TRPM4: variants seen among roughly 807,000 people sequenced by gnomAD.
TRPM4 encodes the protein transient receptor potential cation channel subfamily M member 4, also known as calcium-activated non-selective cation channel 1.
Under a neutral mutation model 135.6 loss-of-function variants are expected in TRPM4, and 124 were observed. The observed-to-expected ratio is 0.91, with a 90% CI of 0.79 to 1.06. The LOEUF (loss-of-function observed/expected upper bound fraction) is 1.06. Ranked by LOEUF, TRPM4 falls within the 50% of genes least tolerant of loss-of-function variation. The pLI is 0.00. For missense variants in TRPM4, 1,658 were observed against 1,671.4 expected (o/e 0.99, Z 0.14); for synonymous variants, 745 against 705.6 (o/e 1.06, Z -0.88).
At chr19:49,177,414 A>G (rs932809331) in intron 9 of TRPM4, among the ~76,000 whole-genome samples, 14 of 146,102 alleles carry the variant, frequency 9.6e-5, no homozygotes, top group African/African-American at 3.6e-4. Context: ...AGCTCACTGC[A>G]ACCCCCGGGT....
Position 49,202,017 on chromosome 19 carries a change from C to T in TRPM4, c.3007C>T (p.Pro1003Ser), listed in dbSNP as rs765184826. ...GTCGGAGCCCGGCTTCTGGGCACAC[C>T]CTCCTGGGGCCCAGGCGGGCACCTG... ...CSSEPGFWAH[P>S]PGAQAGTCVS... Residue 1003 changes from proline to serine, a missense_variant, in exon 20 of 25, where the codon CCT becomes TCT. Transcript: ENST00000252826. 1.2e-6 allele frequency: 2 copies of T among 1,613,694 alleles called. No homozygotes were observed. Among genetic ancestry groups the T allele is most frequent in the Non-Finnish European group, 1.7e-6 (2 of 1,180,032 alleles).
At chr19:49,170,636 C>T (rs191478659) in intron 6 of TRPM4, among the ~76,000 whole-genome samples, 1 of 152,288 alleles carries the variant, frequency 6.6e-6, no homozygotes, top group East Asian at 1.9e-4. Flanking sequence ...CCCTCTGGCT[C>T]CTGGATGGTT....
At chr19:49,196,370 C>G in intron 16 of TRPM4, 70 bp from the exon 17 acceptor site, 1 of 1,392,196 alleles carries the variant, frequency 7.2e-7, no homozygotes, top group African/African-American at 1.5e-5. Context: ...CCAAAAGTCT[C>G]GATGATGGTG....
intron 10 of TRPM4, among the ~76,000 whole-genome samples, chr19:49,182,249 C>CATCT (rs1436693519): frequency 2.7e-5 from 3 of 112,378 alleles, no homozygotes; most frequent in Non-Finnish European, 1.9e-5. Flanking sequence ...TCCATCCATC[C>CATCT]ATCTGTCCAT....
Position 49,167,899 on chromosome 19 carries a change from G to A in TRPM4, c.268-18G>A, listed in dbSNP as rs767655791. The A allele has an allele frequency of 5.0e-6, 8 of 1,611,814 alleles. 1 individual carries two copies. Among genetic ancestry groups the A allele is most frequent in the Non-Finnish European group, 5.9e-6 (7 of 1,178,866 alleles). ...CTCTGTCCCCCTCCCTGTGTGCCCC[G>A]CTCCCATGTGTCCACAGTTCCTCCG... On this transcript the variant is annotated intron_variant, in intron 3 of 24. Coordinates refer to ENST00000252826, the MANE Select transcript of TRPM4 (RefSeq NM_017636.4).
chr19:49,175,543 T>C (rs1967654031), intron 9 of TRPM4, among the ~76,000 whole-genome samples: 1 of 151,856 alleles, frequency 6.6e-6, no homozygotes, highest in African/African-American at 2.4e-5. Context: ...CACACTAAGA[T>C]AGAAACTCCC....
At chr19:49,158,344 CT>C in intron 2 of TRPM4, 85 bp downstream of exon 2, 1 of 1,262,082 alleles carries the variant, frequency 7.9e-7, no homozygotes, top group Non-Finnish European at 1.2e-6. Flanking sequence ...AGCCCTGCTC[CT>C]TCCCCATTCC....
At chr19:49,209,945 C>T (rs1461506857) in intron 20 of TRPM4, among the ~76,000 whole-genome samples, 1 of 152,052 alleles carries the variant, frequency 6.6e-6, no homozygotes, top group African/African-American at 2.4e-5. Flanking sequence ...GATGGGGCTT[C>T]ACCATGTTAG....
intron 9 of TRPM4, among the ~76,000 whole-genome samples, chr19:49,180,123 C>T (rs1392701524): frequency 6.6e-6 from 1 of 152,094 alleles, no homozygotes; most frequent in Admixed American, 6.6e-5. Context: ...TTGGAGCAAC[C>T]AAAATGAGAT....
chr19:49,202,941 G>C (rs1968992821), intron 20 of TRPM4, among the ~76,000 whole-genome samples: 1 of 140,560 alleles, frequency 7.1e-6, no homozygotes, highest in Admixed American at 7.4e-5. Flanking sequence ...AGAGTGCAGT[G>C]GCACGATCTC....
At chr19:49,209,743 C>CTTTTTTTTTT (rs780991215) in intron 20 of TRPM4, among the ~76,000 whole-genome samples, 2 of 105,854 alleles carry the variant, frequency 1.9e-5, no homozygotes, top group Non-Finnish European at 3.7e-5. Context: ...TCTAAACTGA[C>CTTTTTTTTTT]TTTTTTTTTT....
At chr19:49,185,230 TTTTA>T (rs1968155796) in intron 12 of TRPM4, among the ~76,000 whole-genome samples, 1 of 152,164 alleles carries the variant, frequency 6.6e-6, no homozygotes, top group Non-Finnish European at 1.5e-5. Context: ...ATTTCTTTTC[TTTTA>T]TTTATTTATT....
In TRPM4 at chr19:49,210,802, C is replaced by T. The variant is rs1969331451; in HGVS notation, c.3421C>T (p.Arg1141Trp). ...TCTGCTGGCACGCGCTAGGGACAAG[C>T]GGGAGAGCGACTCCGAGCGTCTGAA... ...NFLLARARDKRESDSERLKRT... is the reference protein window; with the variant it reads ...NFLLARARDKWESDSERLKRT... Residue 1141 changes from arginine to tryptophan, a missense_variant, in exon 22 of 25, where the codon CGG becomes TGG. By Grantham distance (101) the Arg-to-Trp change is moderately radical (BLOSUM62 -3). Coordinates refer to ENST00000252826, the MANE Select transcript of TRPM4 (RefSeq NM_017636.4). The surrounding 1 kb of genome is among the most constrained non-coding windows in gnomAD (Gnocchi z 4.1). The T allele has an allele frequency of 8.1e-6, 13 of 1,613,606 alleles. No homozygotes were observed. Among genetic ancestry groups the T allele is most frequent in the Non-Finnish European group, 1.1e-5 (13 of 1,179,900 alleles).
At chr19:49,207,497 G>A (rs1021739699) in intron 20 of TRPM4, among the ~76,000 whole-genome samples, 1 of 151,830 alleles carries the variant, frequency 6.6e-6, no homozygotes, top group Non-Finnish European at 1.5e-5. Context: ...AGGCGTGGTG[G>A]TGCATGCCTG....
intron 20 of TRPM4, among the ~76,000 whole-genome samples, chr19:49,209,288 T>C (rs58552184): frequency 0.056 from 8,464 of 152,250 alleles, 700 homozygotes; most frequent in African/African-American, 0.17. Flanking sequence ...TAGAATGAGT[T>C]AGGAAATGTT....
At chr19:49,165,267 G>T (rs192167170) in intron 2 of TRPM4, among the ~76,000 whole-genome samples, 1 of 152,214 alleles carries the variant, frequency 6.6e-6, no homozygotes, top group Non-Finnish European at 1.5e-5. Context: ...TTCCCTACTC[G>T]CTAGATGGCT....
Position 49,210,038 on chromosome 19 carries a change from C to A in TRPM4, c.3132-171C>A, listed in dbSNP as rs529078072. ...TGCTGGGACTACAGGCGTGACCAAA[C>A]GCCCTTGGCTCTAACCTGACTTCTA... On this transcript the variant is annotated intron_variant, in intron 20 of 24. Coordinates refer to ENST00000252826, the MANE Select transcript of TRPM4 (RefSeq NM_017636.4). This position sits in a 1 kb window ranked among gnomAD's most constrained non-coding sequence, Gnocchi z 4.1. Among the ~76,000 whole-genome samples the A allele has an allele frequency of 6.6e-6, 1 of 152,322 alleles. No individual in the cohort carries two copies. The highest frequency in any genetic ancestry group is 2.1e-4 in the South Asian group (1 of 4,828).
At chr19:49,200,872 C>T in intron 19 of TRPM4, 87 bp downstream of exon 19, 1 of 1,412,764 alleles carries the variant, frequency 7.1e-7, no homozygotes, top group Non-Finnish European at 9.8e-7. Flanking sequence ...AAGAAAATAT[C>T]TGTCTCTCTG....
At chr19:49,173,594 G>A (rs948646043) in intron 9 of TRPM4, among the ~76,000 whole-genome samples, 7 of 152,190 alleles carry the variant, frequency 4.6e-5, no homozygotes, top group Admixed American at 2.0e-4. Context: ...CTTGGAGGAC[G>A]GAATGATGAA....
Sources: allele counts gnomAD v4.1 joint callset (sites outside exome capture counted in the v4.1 genomes callset), GRCh38; gene constraint gnomAD v4.1.1; non-coding constraint Gnocchi (gnomAD v3.1); transcripts MANE v1.5; gene names NCBI Gene and HGNC (gene_info 2026-07-23, HGNC 2026-07-21).